Variants in ITK observed in about 807,000 individuals in gnomAD.
ITK encodes the protein tyrosine-protein kinase ITK/TSK.
A neutral mutation model predicts 87.6 loss-of-function variants in ITK; 45 were observed. The observed-to-expected ratio is 0.51, with a 90% CI of 0.40 to 0.66. The LOEUF (loss-of-function observed/expected upper bound fraction) is 0.66, where lower values mean the gene tolerates loss of function less well. Among genes scored for constraint, ITK ranks in the 30% least tolerant of loss-of-function variants. The pLI is 0.00. For synonymous variants in ITK, 303 were observed against 273.6 expected (o/e 1.11, Z -1.06); for missense variants, 605 against 766.3 (o/e 0.79, Z 2.48).
At chr5:157,182,525 T>C (rs1753556027) in intron 1 of ITK, among the ~76,000 whole-genome samples, 1 of 152,188 alleles carries the variant, frequency 6.6e-6, no homozygotes, top group African/African-American at 2.4e-5. Flanking sequence ...CTGATAACAA[T>C]TTACCAGTCA....
rs1295414711 is a variant in ITK, at chr5:157,188,338, A to T, written c.138+7223A>T. On this transcript the variant is annotated intron_variant, in intron 1 of 16. Coordinates refer to ENST00000422843, the MANE Select transcript of ITK (RefSeq NM_005546.4). ...ATGGCTATTTAGGGTATTTAAATAA[A>T]TTCTCAACTATGCCCTTCAAGACCC... 2.6e-5 allele frequency among the ~76,000 whole-genome samples: 4 copies of T among 152,172 alleles called. No individual in the cohort carries two copies. In the East Asian group the frequency reaches 7.7e-4, roughly 29 times the overall value.
chr5:157,242,128 A>C (rs1297054179), intron 11 of ITK, among the ~76,000 whole-genome samples: 2 of 152,214 alleles, frequency 1.3e-5, no homozygotes, highest in Non-Finnish European at 2.9e-5. Context: ...AGTTGAGAGC[A>C]TCTAGAAGTG....
At chr5:157,188,132 A>G (rs1251273901) in intron 1 of ITK, among the ~76,000 whole-genome samples, 2 of 152,036 alleles carry the variant, frequency 1.3e-5, no homozygotes, top group African/African-American at 2.4e-5. Context: ...CTACCCAGGC[A>G]TTTTTACTTG....
chr5:157,193,163 G>C (rs576211582), intron 1 of ITK, among the ~76,000 whole-genome samples: 1 of 152,322 alleles, frequency 6.6e-6, no homozygotes, highest in East Asian at 1.9e-4. Flanking sequence ...TAAGGTTGCA[G>C]TGAGCTATGA....
Position 157,232,351 on chromosome 5 carries a change from A to G in ITK, c.725A>G (p.Lys242Arg), listed in dbSNP as rs761513530. Reference protein sequence around the residue: ...NNLETYEWYNKSISRDKAEKL... With the variant: ...NNLETYEWYNRSISRDKAEKL... ...TTCCTTGCTTTCAGGTGGTACAATAAGAGTATCAGCCGAGACAAAGCTGAA... is the reference window on the plus strand; with the variant it reads ...TTCCTTGCTTTCAGGTGGTACAATAGGAGTATCAGCCGAGACAAAGCTGAA... Residue 242 changes from lysine to arginine, a missense_variant, in exon 8 of 17, where the codon AAG (lysine) becomes AGG (arginine). Physicochemically the swap from Lys to Arg is conservative, Grantham distance 26 (BLOSUM62 2). This residue lies in a region of ITK where 464 missense variants were observed against 578.0 expected (regional missense o/e 0.80). Transcript: ENST00000422843. 10 of 1,610,426 alleles carry G rather than the reference A, an allele frequency of 6.2e-6. No homozygotes were observed. The highest frequency in any genetic ancestry group is 1.7e-5 in the Admixed American group (1 of 59,974).
At chr5:157,205,403 C>G (rs185434129) in intron 1 of ITK, among the ~76,000 whole-genome samples, 20 of 152,084 alleles carry the variant, frequency 1.3e-4, no homozygotes, top group South Asian at 1.0e-3. Flanking sequence ...ACACCATAAT[C>G]CCAAATATTG....
intron 1 of ITK, among the ~76,000 whole-genome samples, chr5:157,196,146 A>AT (rs1753852013): frequency 6.6e-6 from 1 of 152,204 alleles, no homozygotes; most frequent in African/African-American, 2.4e-5. Context: ...AAATGTCAAT[A>AT]ATGCTGAGGC....
At chr5:157,206,666 G>A (rs764311264) in intron 1 of ITK, among the ~76,000 whole-genome samples, 1 of 152,160 alleles carries the variant, frequency 6.6e-6, no homozygotes, top group Non-Finnish European at 1.5e-5. Flanking sequence ...TTTCTAATAT[G>A]TGTGCATAGA....
Position 157,232,362 on chromosome 5 carries a change from C to A in ITK, c.736C>A (p.Arg246=). The A allele has an allele frequency of 1.2e-6, 2 of 1,611,266 alleles. No individual in the cohort carries two copies. The highest frequency in any genetic ancestry group is 1.7e-6 in the Non-Finnish European group (2 of 1,177,834). ...TYEWYNKSIS[R]DKAEKLLLDT... is the part of the protein sequence containing the mutation. ...CAGGTGGTACAATAAGAGTATCAGC[C>A]GAGACAAAGCTGAAAAACTTCTTTT... The change falls in exon 8 of 17, where the codon CGA becomes AGA. Residue 246 remains arginine, a synonymous_variant. Transcript: ENST00000422843.
At chr5:157,233,764 T>C (rs2113767835) in intron 8 of ITK, among the ~76,000 whole-genome samples, 1 of 151,632 alleles carries the variant, frequency 6.6e-6, no homozygotes, top group Non-Finnish European at 1.5e-5. Context: ...AAGTATAGTT[T>C]TGTTATATTA....
At chr5:157,183,753 G>A (rs1753588076) in intron 1 of ITK, among the ~76,000 whole-genome samples, 1 of 152,156 alleles carries the variant, frequency 6.6e-6, no homozygotes, top group South Asian at 2.1e-4. Context: ...CTCTTAGGGT[G>A]TCGGGTGTCA....
chr5:157,198,461 C>T (rs752680402), intron 1 of ITK, among the ~76,000 whole-genome samples: 33 of 152,126 alleles, frequency 2.2e-4, no homozygotes, highest in Non-Finnish European at 3.7e-4. Context: ...GTGCGAAATG[C>T]TGAGGTGGAG....
chr5:157,232,226 T>A, intron 7 of ITK, 114 bp from the exon 8 acceptor site: 2 of 753,042 alleles, frequency 2.7e-6, no homozygotes, highest in Admixed American at 2.4e-5. Flanking sequence ...AAAATTTTTT[T>A]AAAGCACTGG....
At position 157,180,854 on chromosome 5, in the gene ITK, G is replaced by A. The variant is rs1418473213; in HGVS notation, c.-124G>A. On this transcript the variant is annotated 5_prime_UTR_variant, in exon 1 of 17. Transcript: ENST00000422843. ...GATAGAAAGATAACGTTGAAGGCAA[G>A]TTGCCCTTGAGCAGCTCTCTGAAGA... 1.1e-6 allele frequency: 1 copy of A among 872,776 alleles called. No individual in the cohort carries two copies. Among genetic ancestry groups the A allele is most frequent in the Non-Finnish European group, 1.9e-6 (1 of 533,676 alleles). 54.1% of individuals were successfully genotyped at this position (872,776 alleles called of 1,614,324 possible).
Position 157,238,128 on chromosome 5 carries a change from T to C in ITK, c.788T>C (p.Met263Thr). 1 of 1,613,820 alleles carries C rather than the reference T, an allele frequency of 6.2e-7. No individual in the cohort carries two copies. Among genetic ancestry groups the C allele is most frequent in the Non-Finnish European group, 8.5e-7 (1 of 1,179,712 alleles). ...TTCCAGGGCAAAGAAGGAGCCTTCA[T>C]GGTAAGGGATTCCAGGACTGCAGGA... ...LLDTGKEGAF[M>T]VRDSRTAGTY... Residue 263 changes from methionine (M) to threonine (T), a missense_variant, in exon 9 of 17, where the codon ATG becomes ACG. By Grantham distance (81) the Met-to-Thr change is moderately conservative (BLOSUM62 -1). Around this residue, in one of 3 missense-constraint regions of ITK, gnomAD observed 464 missense variants for 578.0 expected, o/e 0.80. Transcript: ENST00000422843.
At chr5:157,223,121 G>T in intron 6 of ITK, 107 bp downstream of exon 6, 1 of 1,362,914 alleles carries the variant, frequency 7.3e-7, no homozygotes, top group Non-Finnish European at 1.0e-6. Context: ...CAGCACTGAG[G>T]TGGGAGAAGA....
Position 157,241,500 on chromosome 5 carries a change from T to G in ITK, c.986-146T>G, listed in dbSNP as rs990205393. On this transcript the variant is annotated intron_variant, in intron 10 of 16. Transcript: ENST00000422843. ...TGATGTTTTCAAGGAGGATATGATA[T>G]CAATAATTAGGCTTTGGGATTTGTT... 4 of 688,790 alleles carry G rather than the reference T, an allele frequency of 5.8e-6. No individual in the cohort carries two copies. In the African/African-American group the frequency reaches 7.1e-5, roughly 12 times the overall value. The allele number at this position is 688,790 out of a possible 1,614,324, so 42.7% of individuals were successfully genotyped here.
At chr5:157,226,922 T>C (rs34980806) in intron 6 of ITK, among the ~76,000 whole-genome samples, 2,491 of 152,148 alleles carry the variant, frequency 0.016, 29 homozygotes, top group Non-Finnish European at 0.027. Context: ...CCAGGTTAGG[T>C]GAGTCTCATG....
At chr5:157,242,408 T>C (rs1754928022) in intron 11 of ITK, among the ~76,000 whole-genome samples, 3 of 152,160 alleles carry the variant, frequency 2.0e-5, no homozygotes, top group Admixed American at 2.0e-4. Flanking sequence ...TCTAGAATGC[T>C]TATTAAAAAT....
Sources: allele counts gnomAD v4.1 joint callset (sites outside exome capture counted in the v4.1 genomes callset), GRCh38; gene constraint gnomAD v4.1.1; regional missense constraint gnomAD v4.1.1; transcripts MANE v1.5; gene names NCBI Gene and HGNC (gene_info 2026-07-23, HGNC 2026-07-21).